The following SOS1 variants were observed in gnomAD, a reference collection of about 807,000 sequenced individuals.
SOS1 encodes son of sevenless homolog 1.
SOS1 carries 25 observed loss-of-function variants against 157.6 expected under a neutral mutation model. The observed-to-expected ratio is 0.16, with a 90% CI of 0.12 to 0.22. The LOEUF is 0.22. SOS1 is among the 10% of genes least tolerant of loss of function. The pLI is 1.00. For missense variants in SOS1, 1,237 were observed against 1,599.1 expected (o/e 0.77, Z 3.86); for synonymous variants, 528 against 534.0 (o/e 0.99, Z 0.16).
chr2:39,068,178 A>G (rs1671658136), intron 1 of SOS1, among the ~76,000 whole-genome samples: 1 of 152,186 alleles, frequency 6.6e-6, no homozygotes, highest in South Asian at 2.1e-4. Flanking sequence ...ACAGATTTGA[A>G]TGATACTGAC....
intron 1 of SOS1, among the ~76,000 whole-genome samples, chr2:39,091,126 G>A (rs1289713192): frequency 6.6e-6 from 1 of 152,108 alleles, no homozygotes; most frequent in East Asian, 1.9e-4. Flanking sequence ...GCCTTGGCCT[G>A]CCAAAGTGCT....
At chr2:39,006,331 A>G in intron 17 of SOS1, 81 bp downstream of exon 17, 2 of 805,146 alleles carry the variant, frequency 2.5e-6, no homozygotes, top group East Asian at 4.9e-5. Context: ...CATATTACAC[A>G]TGTAATTATT....
intron 1 of SOS1, among the ~76,000 whole-genome samples, chr2:39,097,206 A>G (rs759351409): frequency 1.3e-5 from 2 of 152,252 alleles, no homozygotes; most frequent in African/African-American, 4.8e-5. Flanking sequence ...TTTAGGCACC[A>G]ACCATGACTA....
chr2:39,059,247 G>A (rs879866452), intron 2 of SOS1, among the ~76,000 whole-genome samples: 2 of 152,126 alleles, frequency 1.3e-5, no homozygotes, highest in Non-Finnish European at 2.9e-5. Flanking sequence ...TATCCACCAT[G>A]CAAAGGCACT....
chr2:39,008,269 A>T (rs1241797059), intron 15 of SOS1, among the ~76,000 whole-genome samples: 1 of 152,064 alleles, frequency 6.6e-6, no homozygotes, highest in Non-Finnish European at 1.5e-5. Context: ...CCATGCCAGA[A>T]GAGGCGGGTA....
At chr2:39,012,610 C>T (rs930743448) in intron 13 of SOS1, among the ~76,000 whole-genome samples, 6 of 152,016 alleles carry the variant, frequency 3.9e-5, no homozygotes, top group African/African-American at 1.2e-4. Flanking sequence ...TTAGAAAGTA[C>T]TTAATTTGTA....
At chr2:39,116,958 T>G (rs1231828217) in intron 1 of SOS1, among the ~76,000 whole-genome samples, 1 of 152,158 alleles carries the variant, frequency 6.6e-6, no homozygotes, top group Non-Finnish European at 1.5e-5. Flanking sequence ...CATAAACCAG[T>G]TGTCTCTCCA....
chr2:39,019,679 A>G (rs925679428), intron 10 of SOS1, among the ~76,000 whole-genome samples: 2 of 151,652 alleles, frequency 1.3e-5, no homozygotes, highest in African/African-American at 4.8e-5. Context: ...TTCTTTCCAC[A>G]AAGCTTTCCC....
intron 6 of SOS1, among the ~76,000 whole-genome samples, 179 bp from the exon 7 acceptor site, chr2:39,035,679 G>C (rs1572841611): frequency 2.6e-5 from 4 of 152,134 alleles, no homozygotes; most frequent in Admixed American, 2.6e-4. Context: ...TCAAGTAAGA[G>C]AGTAAATCAG....
At chr2:39,095,121 A>G (rs1672725287) in intron 1 of SOS1, among the ~76,000 whole-genome samples, 1 of 152,226 alleles carries the variant, frequency 6.6e-6, no homozygotes, top group Non-Finnish European at 1.5e-5. Flanking sequence ...TAAAAACCTC[A>G]GTTACAAACC....
At chr2:39,070,351 C>G (rs1225332282) in intron 1 of SOS1, among the ~76,000 whole-genome samples, 1 of 152,178 alleles carries the variant, frequency 6.6e-6, no homozygotes, top group Non-Finnish European at 1.5e-5. Context: ...ATTTCTGAAA[C>G]TCTTTCCTTA....
chr2:39,037,573 TCA>T, intron 6 of SOS1, among the ~76,000 whole-genome samples: 1 of 152,154 alleles, frequency 6.6e-6, no homozygotes. Context: ...CAGGTACACT[TCA>T]CTTTATGGTG....
rs1424184220 is a variant in SOS1, at chr2:39,120,685, GCCAGGCCCCCCGCCCCTC to G, written c.-281_-264del. 2.0e-5 allele frequency among the ~76,000 whole-genome samples: 3 copies of G among 146,716 alleles called. No homozygotes were observed. Among genetic ancestry groups the G allele is most frequent in the Non-Finnish European group, 4.6e-5 (3 of 65,916 alleles). ...CGGCATCCCGCACCACCGCCCCGGGGCCAGGCCCCCCGCCCCTCCCCGGCCCGCCGGCGCCGCCCCGGG... is the reference window on the plus strand; with the variant it reads ...CGGCATCCCGCACCACCGCCCCGGGGCCCGGCCCGCCGGCGCCGCCCCGGG... On this transcript the variant is annotated 5_prime_UTR_variant, in exon 1 of 23. Transcript: ENST00000402219.
At chr2:39,076,776 G>A (rs981963216) in intron 1 of SOS1, among the ~76,000 whole-genome samples, 1 of 152,092 alleles carries the variant, frequency 6.6e-6, no homozygotes, top group African/African-American at 2.4e-5. Flanking sequence ...AACATTGTCT[G>A]GAGGTCCTAG....
At chr2:39,008,411 C>G (rs555653199) in intron 15 of SOS1, among the ~76,000 whole-genome samples, 1 of 152,160 alleles carries the variant, frequency 6.6e-6, no homozygotes, top group Non-Finnish European at 1.5e-5. Flanking sequence ...CTGTTTCAAA[C>G]AGATAGCTCC....
intron 4 of SOS1, among the ~76,000 whole-genome samples, chr2:39,055,786 A>G (rs2124605616): frequency 6.6e-6 from 1 of 152,320 alleles, no homozygotes; most frequent in Non-Finnish European, 1.5e-5. Context: ...GTAATGACTA[A>G]AAGCTTTAGA....
intron 20 of SOS1, 98 bp downstream of exon 20, chr2:38,995,025 A>C (rs1668845264): frequency 2.1e-6 from 2 of 966,432 alleles, no homozygotes; most frequent in South Asian, 1.4e-5. Flanking sequence ...ACTTAACTAC[A>C]AGTTCACACA....
intron 1 of SOS1, among the ~76,000 whole-genome samples, chr2:39,116,822 G>C (rs1673667539): frequency 6.6e-6 from 1 of 152,126 alleles, no homozygotes. Flanking sequence ...CTGCACTCCA[G>C]CCTGTTAAGA....
chr2:38,995,430 G>A (rs766792461), intron 19 of SOS1, 43 bp from the exon 20 acceptor site: 1 of 1,550,220 alleles, frequency 6.5e-7, no homozygotes, highest in Admixed American at 1.7e-5. Context: ...AAACACTGTA[G>A]TAGAAAGGAA....
Sources: gnomAD v4.1 joint callset for allele counts (sites outside exome capture counted in the v4.1 genomes callset) on GRCh38, gnomAD v4.1.1 for gene constraint, MANE v1.5 for transcripts, NCBI Gene and HGNC (gene_info 2026-07-23, HGNC 2026-07-21) for gene names.